COL18A1: variants seen among roughly 807,000 people sequenced by gnomAD.
COL18A1 encodes collagen alpha-1(XVIII) chain.
Under a neutral mutation model 168.0 loss-of-function variants are expected in COL18A1, and 133 were observed. The observed-to-expected ratio is 0.79, with a 90% CI of 0.69 to 0.91. COL18A1 has a LOEUF of 0.91. COL18A1 is among the 40% of genes least tolerant of loss of function. The pLI is 0.00. For synonymous variants in COL18A1, 949 were observed against 809.0 expected (o/e 1.17, Z -2.94); for missense variants, 2,126 against 1,925.4 (o/e 1.10, Z -1.95).
intron 2 of COL18A1, among the ~76,000 whole-genome samples, chr21:45,444,565 C>T (rs547123299): frequency 7.2e-5 from 11 of 152,132 alleles, no homozygotes; most frequent in Admixed American, 5.2e-4. Flanking sequence ...ACAGAGGAGC[C>T]CTCGATAAAT....
At position 45,510,007 on chromosome 21, in the gene COL18A1, G is replaced by T. The variant is rs548557308; in HGVS notation, c.3496-57G>T. The stretch of plus-strand genomic sequence containing the variant: ...GCGGGGCCGGGGTGGTGCGCCCGGG[G>T]CCTGGGTGCAGGGGGCAGCGTGGGA... On this transcript the variant is annotated intron_variant, in intron 39 of 41. Transcript: ENST00000651438. 12 of 1,522,180 alleles carry T rather than the reference G, an allele frequency of 7.9e-6. No homozygotes were observed. The East Asian group carries it at 3.0e-4, about 38-fold the overall frequency. 94.3% of individuals were successfully genotyped at this position (1,522,180 alleles called of 1,614,324 possible). A position where few individuals can be genotyped will look rare whatever the true frequency, so the allele number is the denominator to read the frequency against.
intron 15 of COL18A1, among the ~76,000 whole-genome samples, chr21:45,485,095 G>C (rs1429662884): frequency 6.8e-6 from 1 of 147,054 alleles, no homozygotes; most frequent in Admixed American, 6.9e-5. Context: ...TGAGTCTCCT[G>C]CCTCAGCCTC....
At chr21:45,504,231 G>A in intron 33 of COL18A1, 177 bp downstream of exon 33, 1 of 911,312 alleles carries the variant, frequency 1.1e-6, no homozygotes, top group Non-Finnish European at 1.7e-6. Context: ...CCCCGGCTCA[G>A]TTTTTGGGGG....
At position 45,507,543 on chromosome 21, in the gene COL18A1, C is replaced by T. The variant is rs754438726; in HGVS notation, c.3217-18C>T. 8 of 1,612,206 alleles carry T rather than the reference C, an allele frequency of 5.0e-6. No individual in the cohort carries two copies. In the Admixed American group the frequency reaches 1.3e-4, roughly 27 times the overall value. ...GGCCCAGCCGCAGGTCCTGGGTGAC[C>T]CTGCTGCTTTCTTCCAGCTGGAGGC... On this transcript the variant is annotated intron_variant, in intron 37 of 41. Transcript: ENST00000651438.
chr21:45,414,574 G>C (rs1337263574), intron 2 of COL18A1, among the ~76,000 whole-genome samples: 3 of 152,122 alleles, frequency 2.0e-5, no homozygotes, highest in African/African-American at 2.4e-5. Flanking sequence ...CGGACCCTGC[G>C]GCCGACTCTG....
chr21:45,411,774 G>GGGGGGGGGGGGGGT (rs2033302508), intron 2 of COL18A1, among the ~76,000 whole-genome samples: 1 of 132,840 alleles, frequency 7.5e-6, no homozygotes. Context: ...GGTGGGGGGG[G>GGGGGGGGGGGGGGT]GGCAGGCTGT....
At chr21:45,419,029 A>G (rs1248163044) in intron 2 of COL18A1, among the ~76,000 whole-genome samples, 1 of 152,226 alleles carries the variant, frequency 6.6e-6, no homozygotes, top group African/African-American at 2.4e-5. Flanking sequence ...TCAGTAAAGG[A>G]TGGACGCGAG....
intron 2 of COL18A1, among the ~76,000 whole-genome samples, chr21:45,431,009 G>A (rs2033943511): frequency 6.6e-6 from 1 of 152,260 alleles, no homozygotes; most frequent in South Asian, 2.1e-4. Flanking sequence ...CCTGTTGACG[G>A]GCGGGCCGAG....
chr21:45,474,540 TG>T (rs2035569139), intron 4 of COL18A1, among the ~76,000 whole-genome samples: 1 of 151,860 alleles, frequency 6.6e-6, no homozygotes, highest in African/African-American at 2.4e-5. Context: ...CATGTCTGCA[TG>T]GTGCGTGTGT....
At chr21:45,506,957 G>A (rs2037244634) in intron 37 of COL18A1, 1 of 264,136 alleles carries the variant, frequency 3.8e-6, no homozygotes, top group South Asian at 3.8e-5. Context: ...TGCCCACTGT[G>A]TGCCAGGTGT....
Position 45,405,336 on chromosome 21 carries a change from C to CGGCTGGGTCCT in COL18A1, c.12-42_12-41insGCTGGGTCCTG, listed in dbSNP as rs1555966560. 25 of 1,025,952 alleles carry CGGCTGGGTCCT rather than the reference C, an allele frequency of 2.4e-5. No homozygotes were observed. In the African/African-American group the frequency reaches 1.0e-3, roughly 42 times the overall value. The allele number at this position is 1,025,952 out of a possible 1,614,324, so 63.6% of individuals were successfully genotyped here. A position where few individuals can be genotyped will look rare whatever the true frequency, so the allele number is the denominator to read the frequency against. On this transcript the variant is annotated intron_variant, in intron 1 of 41. Transcript: ENST00000651438. ...GGGCTCGGCCGGGTCCTGCGGGGGT[C>CGGCTGGGTCCT]GCGGGGGTCCTGCGGGGTCTGACCC...
chr21:45,454,268 G>C (rs1041174426), intron 2 of COL18A1, among the ~76,000 whole-genome samples: 1 of 152,144 alleles, frequency 6.6e-6, no homozygotes, highest in African/African-American at 2.4e-5. Flanking sequence ...GACAGCAATC[G>C]ACCGATGGCT....
rs1233966401 is a variant in COL18A1 at position 45,504,459 on chromosome 21, G to C, written c.2771G>C (p.Arg924Thr). 2 of 1,610,836 alleles carry C rather than the reference G, an allele frequency of 1.2e-6. No homozygotes were observed. The highest frequency in any genetic ancestry group is 1.7e-6 in the Non-Finnish European group (2 of 1,178,894). The change falls in exon 34 of 42, where the codon AGG (arginine) becomes ACG (threonine). Residue 924 changes from arginine to threonine, a missense_variant. By Grantham distance (71) the Arg-to-Thr change is moderately conservative. Transcript: ENST00000651438. ...DRGDAGQKGE[R>T]GEPGGGGFFG... is the part of the protein sequence containing the mutation. ...GGTGATGCAGGACAGAAAGGCGAAAGGGGGGAGCCCGGGGGCGGCGGTTTC... is the reference window on the plus strand; with the variant it reads ...GGTGATGCAGGACAGAAAGGCGAAACGGGGGAGCCCGGGGGCGGCGGTTTC...
rs972329511 is a variant in COL18A1, at chr21:45,423,649, C to T, written c.106+18176C>T. On this transcript the variant is annotated intron_variant, in intron 2 of 41. Transcript: ENST00000651438. This position sits in a 1 kb window ranked among gnomAD's most constrained non-coding sequence, Gnocchi z 4.0. ...CAAGGGGCTCATGGCCATTGAGTGA[C>T]TCCAGTTAATGCTGAATTAGGTACC... 1 of 152,062 alleles carries T rather than the reference C, an allele frequency of 6.6e-6. No homozygotes were observed. Among genetic ancestry groups the T allele is most frequent in the African/African-American group, 2.4e-5 (1 of 41,390 alleles). The allele number at this position is 152,062 out of a possible 1,614,324, so 9.4% of individuals were successfully genotyped here.
chr21:45,447,771 C>A (rs1294591623), intron 2 of COL18A1, among the ~76,000 whole-genome samples: 1 of 152,122 alleles, frequency 6.6e-6, no homozygotes, highest in African/African-American at 2.4e-5. Flanking sequence ...TTGGGTAGAG[C>A]ATGGATGGTT....
chr21:45,512,291 GCCT>G lies in COL18A1; in HGVS notation c.3918_3920del (p.Ser1307del). 1 of 1,612,230 alleles carries G rather than the reference GCCT, an allele frequency of 6.2e-7. No individual in the cohort carries two copies. The highest frequency in any genetic ancestry group is 8.5e-7 in the Non-Finnish European group (1 of 1,179,692). ...GGAGGCTCCCTCGGCCACGGGCCAG[GCCT>G]CCTCGCTGCTGGGGGGCAGGCTCCT... On this transcript the variant is annotated inframe_deletion, in exon 42 of 42. Transcript: ENST00000651438.
chr21:45,441,287 G>A (rs2034363901), intron 2 of COL18A1, among the ~76,000 whole-genome samples: 1 of 152,134 alleles, frequency 6.6e-6, no homozygotes. Flanking sequence ...AGGGTTCATC[G>A]AGGTCTTATT....
rs373233444 is a variant in COL18A1 at position 45,446,384 on chromosome 21, C to G, written c.107-21858C>G. On this transcript the variant is annotated intron_variant, in intron 2 of 41. Transcript: ENST00000651438. ...CCTTTGACTTTTTTCTAATCCAATA[C>G]TATGAACAAAATAGATGGCAGATGA... Among the ~76,000 whole-genome samples the G allele has an allele frequency of 3.9e-5, 6 of 152,188 alleles. No individual in the cohort carries two copies. The East Asian group carries it at 1.2e-3, about 29-fold the overall frequency.
In COL18A1 at chr21:45,456,182, G is replaced by T. The variant is rs770343212; in HGVS notation, c.107-12060G>T. On this transcript the variant is annotated intron_variant, in intron 2 of 41. Transcript: ENST00000651438. Reference sequence around the variant, plus strand: ...AGTGCCACCACCATCTTCAGGTAGAGCTTCTCTCTCCTCCTTGCTGGGCGG... The same window carrying T: ...AGTGCCACCACCATCTTCAGGTAGATCTTCTCTCTCCTCCTTGCTGGGCGG... The T allele has an allele frequency of 3.8e-6, 6 of 1,596,918 alleles. No individual in the cohort carries two copies. In the Admixed American group the frequency reaches 1.0e-4, roughly 27 times the overall value.
Sources: allele counts gnomAD v4.1 joint callset (sites outside exome capture counted in the v4.1 genomes callset), GRCh38; gene constraint gnomAD v4.1.1; non-coding constraint Gnocchi (gnomAD v3.1); transcripts MANE v1.5; gene names NCBI Gene and HGNC (gene_info 2026-07-23, HGNC 2026-07-21).